CLDN16: variants seen among roughly 807,000 people sequenced by gnomAD.
The protein encoded by CLDN16 is claudin-16.
A neutral mutation model predicts 24.6 loss-of-function variants in CLDN16; 13 were observed. The ratio of observed to expected loss-of-function variants is 0.53; its 90% CI spans 0.34 to 0.84. CLDN16 has a LOEUF of 0.84. Ranked by LOEUF, CLDN16 falls within the 40% of genes least tolerant of loss-of-function variation. The probability of loss-of-function intolerance (pLI) is 0.01; values close to 1 mark genes in which losing one functional copy is unlikely to be tolerated. For synonymous variants in CLDN16, 116 were observed against 106.7 expected, an observed-to-expected ratio of 1.09 and a Z score of -0.54; for missense variants, 298 against 292.7, an observed-to-expected ratio of 1.02 and a Z score of -0.13.
intron 1 of CLDN16, among the ~76,000 whole-genome samples, chr3:190,332,958 T>A (rs1322115673): frequency 6.6e-6 from 1 of 152,138 alleles, no homozygotes; most frequent in Non-Finnish European, 1.5e-5. Flanking sequence ...TGACATTAAT[T>A]ATTAGTCGTA....
the CLDN16 span, among the ~76,000 whole-genome samples, chr3:190,296,187 A>C: frequency 6.6e-6 from 1 of 152,232 alleles, no homozygotes; most frequent in African/African-American, 2.4e-5. Flanking sequence ...CATAATATAC[A>C]TAAACATATA....
chr3:190,408,276 T>C (rs1212623559), intron 3 of CLDN16, 38 bp from the exon 4 acceptor site: 1 of 1,581,722 alleles, frequency 6.3e-7, no homozygotes, highest in Admixed American at 1.7e-5. Flanking sequence ...ATTCAGAAAA[T>C]GTCCCCTATT....
At chr3:190,365,457 T>C (rs1005792294) in intron 1 of CLDN16, among the ~76,000 whole-genome samples, 6 of 151,026 alleles carry the variant, frequency 4.0e-5, no homozygotes, top group Non-Finnish European at 8.9e-5. Flanking sequence ...ACCATTTTGC[T>C]ATGCACACTT....
intron 3 of CLDN16, among the ~76,000 whole-genome samples, chr3:190,382,033 A>AT: frequency 6.6e-6 from 1 of 152,212 alleles, no homozygotes; most frequent in South Asian, 2.1e-4. Context: ...AAGAAAAAAA[A>AT]AAGCCTCAAC....
chr3:190,324,209 G>T (rs1229991907), intron 1 of CLDN16, among the ~76,000 whole-genome samples: 1 of 152,168 alleles, frequency 6.6e-6, no homozygotes, highest in African/African-American at 2.4e-5. Flanking sequence ...CAGGCCAGGC[G>T]CAGTGGCTCA....
chr3:190,341,482 A>G (rs1560082725), intron 1 of CLDN16, among the ~76,000 whole-genome samples: 1 of 152,118 alleles, frequency 6.6e-6, no homozygotes, highest in Non-Finnish European at 1.5e-5. Flanking sequence ...AGCAGCTGGG[A>G]TGCAGGGTAC....
In CLDN16 at chr3:190,398,728, A is replaced by G. The variant is rs536475549; in HGVS notation, c.115-3609A>G. Among the ~76,000 whole-genome samples the G allele has an allele frequency of 1.1e-4, 16 of 152,286 alleles. 1 individual carries two copies. The highest frequency in any genetic ancestry group is 6.5e-4 in the Admixed American group (10 of 15,284). On this transcript the variant is annotated intron_variant, in intron 1 of 4. Transcript: ENST00000264734. ...ACCACTATTTTTATTTATTGAGCAT[A>G]TCATTTATATTGCGTGTGTATTTGT...
In CLDN16 at chr3:190,408,558, A is replaced by C. The variant is rs1719166952; in HGVS notation, c.574+53A>C. 4.0e-6 allele frequency: 6 copies of C among 1,497,012 alleles called. No homozygotes were observed. The Admixed American group carries it at 1.0e-4, about 26-fold the overall frequency. 92.7% of individuals were successfully genotyped at this position (1,497,012 alleles called of 1,614,324 possible). On this transcript the variant is annotated intron_variant, in intron 4 of 4. Coordinates refer to ENST00000264734, the MANE Select transcript of CLDN16 (RefSeq NM_006580.4). The stretch of plus-strand genomic sequence containing the variant: ...CCTTGCCTCCACTATCGTTTTTCCC[A>C]ATCCAGTGGAAACAAATTTCAAAAG...
At chr3:190,406,035 T>C (rs1018568000) in intron 3 of CLDN16, among the ~76,000 whole-genome samples, 3 of 152,178 alleles carry the variant, frequency 2.0e-5, no homozygotes, top group Non-Finnish European at 4.4e-5. Flanking sequence ...CTAGAAACAC[T>C]TGTAGATATG....
At chr3:190,366,447 T>C (rs1718026897) in intron 1 of CLDN16, among the ~76,000 whole-genome samples, 2 of 151,930 alleles carry the variant, frequency 1.3e-5, no homozygotes, top group Admixed American at 6.6e-5. Context: ...TTTTAAAGAT[T>C]GTATCTTAGG....
chr3:190,405,880 A>T (rs1218787422), intron 3 of CLDN16, among the ~76,000 whole-genome samples: 7 of 152,210 alleles, frequency 4.6e-5, no homozygotes, highest in Non-Finnish European at 1.0e-4. Context: ...GTCTGTCTTC[A>T]ACTTCAAAGC....
the CLDN16 span, among the ~76,000 whole-genome samples, chr3:190,303,368 G>C: frequency 2.0e-3 from 305 of 152,260 alleles, no homozygotes; most frequent in African/African-American, 7.1e-3. Context: ...TGACAAAAAT[G>C]ATTTCCAAAA....
chr3:190,317,808 G>A (rs147747379), upstream of CLDN16, among the ~76,000 whole-genome samples: 479 of 152,264 alleles, frequency 3.1e-3, 6 homozygotes, highest in African/African-American at 0.011. Context: ...CTGTATTCTT[G>A]ATCGGTATTG....
At chr3:190,405,663 A>G (rs972414951) in intron 3 of CLDN16, among the ~76,000 whole-genome samples, 1 of 152,098 alleles carries the variant, frequency 6.6e-6, no homozygotes, top group Non-Finnish European at 1.5e-5. Context: ...CCTATGTTAA[A>G]CTTGTCCCAC....
At chr3:190,352,141 GTT>G (rs552144315) in intron 1 of CLDN16, among the ~76,000 whole-genome samples, 3 of 145,116 alleles carry the variant, frequency 2.1e-5, no homozygotes, top group African/African-American at 7.5e-5. Context: ...AATTGAAAAA[GTT>G]TTTTTTTTTT....
At chr3:190,386,345 T>C (rs759705972), upstream of CLDN16, among the ~76,000 whole-genome samples, 1 of 152,190 alleles carries the variant, frequency 6.6e-6, no homozygotes, top group Non-Finnish European at 1.5e-5. Flanking sequence ...CAGATAGTTA[T>C]AACGATCGCT....
intron 1 of CLDN16, among the ~76,000 whole-genome samples, chr3:190,362,590 G>A (rs1717915227): frequency 6.6e-6 from 1 of 151,972 alleles, no homozygotes; most frequent in Admixed American, 6.6e-5. Flanking sequence ...CAATTCCCGT[G>A]TCTTGATAAA....
At chr3:190,376,934 G>A (rs371344301) in intron 3 of CLDN16, among the ~76,000 whole-genome samples, 10 of 151,940 alleles carry the variant, frequency 6.6e-5, no homozygotes, top group South Asian at 2.1e-4. Context: ...GGTGACTCTG[G>A]TGATCAAACA....
At chr3:190,335,260 T>G (rs1577399330) in intron 1 of CLDN16, among the ~76,000 whole-genome samples, 1 of 151,460 alleles carries the variant, frequency 6.6e-6, no homozygotes, top group African/African-American at 2.4e-5. Flanking sequence ...GCCAGGCTGG[T>G]CTCGAACTCT....
Sources: allele counts gnomAD v4.1 joint callset (sites outside exome capture counted in the v4.1 genomes callset), GRCh38; gene constraint gnomAD v4.1.1; transcripts MANE v1.5; gene names NCBI Gene and HGNC (gene_info 2026-07-23, HGNC 2026-07-21).